Variants in CCDC88C observed in about 807,000 individuals in gnomAD.
CCDC88C encodes coiled-coil and HOOK domain protein 88C, also known as protein Daple.
In CCDC88C, 131 loss-of-function variants were observed where a neutral mutation model predicts 198.8. The ratio of observed to expected loss-of-function variants is 0.66; its 90% CI spans 0.57 to 0.76. The LOEUF is 0.76. Ranked by LOEUF, CCDC88C falls within the 30% of genes least tolerant of loss-of-function variation. CCDC88C has a pLI of 0.00. For synonymous variants in CCDC88C, 1,166 were observed against 1,114.7 expected, an observed-to-expected ratio of 1.05 and a Z score of -0.92; for missense variants, 2,553 against 2,631.6, an observed-to-expected ratio of 0.97 and a Z score of 0.65.
chr14:91,324,969 G>A (rs1270871949), intron 11 of CCDC88C, 46 bp from the exon 12 acceptor site: 3 of 1,609,450 alleles, frequency 1.9e-6, no homozygotes, highest in Admixed American at 1.7e-5. Flanking sequence ...CACAGCTGGA[G>A]ATCCCCCTGG....
At position 91,303,785 on chromosome 14, in the gene CCDC88C, T is replaced by G. The variant is rs1469274696; in HGVS notation, c.3551A>C (p.Glu1184Ala). The change falls in exon 20 of 30, where the codon GAG becomes GCG. Residue 1184 changes from glutamate (E) to alanine (A), a missense_variant. Transcript: ENST00000389857. ...GTGCTGGCGGATGAGGGCCTCGTAC[T>G]CGGCCGATTGCCGCTCGTGCAGCGT... Reference protein sequence around the residue: ...LGTLHERQSAEYEALIRQHSC... With the variant: ...LGTLHERQSAAYEALIRQHSC... 6.2e-7 allele frequency: 1 copy of G among 1,613,520 alleles called. No homozygotes were observed. Among genetic ancestry groups the G allele is most frequent in the South Asian group, 1.1e-5 (1 of 91,076 alleles).
rs748515185 is a variant in CCDC88C, at chr14:91,285,821, T to C, written c.4442-2304A>G. 6 of 1,288,612 alleles carry C rather than the reference T, an allele frequency of 4.7e-6. No homozygotes were observed. The Admixed American group carries it at 6.9e-5, about 15-fold the overall frequency. The allele number at this position is 1,288,612 out of a possible 1,614,324, so 79.8% of individuals were successfully genotyped here. A position where few individuals can be genotyped will look rare whatever the true frequency, so the allele number is the denominator to read the frequency against. The stretch of plus-strand genomic sequence containing the variant: ...GTTTTTGCTTTTCAAAAAGGGACTC[T>C]TTTTGCGCGGAGGTGCTAAATTGTT... On this transcript the variant is annotated intron_variant, in intron 25 of 29. Transcript: ENST00000389857.
At chr14:91,341,997 A>G in intron 6 of CCDC88C, 1 of 173,640 alleles carries the variant, frequency 5.8e-6, no homozygotes, top group Non-Finnish European at 1.2e-5. Flanking sequence ...TATTCTATAA[A>G]GATCAACTGT....
chr14:91,338,522 C>A lies in CCDC88C; in HGVS notation c.858G>T (p.Gln286His). Residue 286 changes from glutamine to histidine, a missense_variant, in exon 9 of 30, where the codon CAG becomes CAT. Physicochemically the swap from Gln to His is conservative, Grantham distance 24. Around this residue, in one of 2 missense-constraint regions of CCDC88C, gnomAD observed 1,260 missense variants for 1,412.0 expected, o/e 0.89. Coordinates refer to ENST00000389857, the MANE Select transcript of CCDC88C (RefSeq NM_001080414.4). This position sits in a 1 kb window ranked among gnomAD's most constrained non-coding sequence, Gnocchi z 4.8. ...TAACTTTCTGCAGTTCCAGCACCAG[C>A]TGGTCCACCTCATGTCTGGTGTCCA... ...QLVDTRHEVD[Q>H]LVLELQKVKQ... 6.4e-7 allele frequency: 1 copy of A among 1,571,994 alleles called. No individual in the cohort carries two copies. Among genetic ancestry groups the A allele is most frequent in the Non-Finnish European group, 8.6e-7 (1 of 1,158,956 alleles).
chr14:91,349,539 C>T (rs962919950), intron 4 of CCDC88C, among the ~76,000 whole-genome samples: 6 of 152,174 alleles, frequency 3.9e-5, no homozygotes, highest in African/African-American at 4.8e-5. Context: ...CCACTGCGGG[C>T]GGGGATCGAG....
chr14:91,286,386 T>G (rs957286087), intron 25 of CCDC88C, among the ~76,000 whole-genome samples: 5 of 152,162 alleles, frequency 3.3e-5, no homozygotes, highest in African/African-American at 1.2e-4. Context: ...TTAAAATAAT[T>G]TAAATACCTC....
chr14:91,327,619 C>T (rs1892633203), intron 10 of CCDC88C, among the ~76,000 whole-genome samples: 1 of 152,350 alleles, frequency 6.6e-6, no homozygotes, highest in East Asian at 1.9e-4. Flanking sequence ...CTCCTCACTG[C>T]CCTCGGCTCC....
chr14:91,401,533 C>A (rs1469569022), intron 3 of CCDC88C, among the ~76,000 whole-genome samples: 1 of 151,674 alleles, frequency 6.6e-6, no homozygotes, highest in Non-Finnish European at 1.5e-5. Context: ...GACAGGGTTT[C>A]ACCATGTTAG....
chr14:91,283,298 G>T, intron 26 of CCDC88C, 31 bp downstream of exon 26: 1 of 1,605,212 alleles, frequency 6.2e-7, no homozygotes, highest in Non-Finnish European at 8.5e-7. Flanking sequence ...TAGGCCCGAC[G>T]CTCATGGCTC....
chr14:91,393,231 C>A (rs968378837), intron 3 of CCDC88C, among the ~76,000 whole-genome samples: 1 of 152,172 alleles, frequency 6.6e-6, no homozygotes, highest in African/African-American at 2.4e-5. Context: ...AGTGTCAGGG[C>A]AGCCCTGGAG....
intron 3 of CCDC88C, among the ~76,000 whole-genome samples, chr14:91,387,336 TCCGGG>T (rs764820505): frequency 2.0e-5 from 3 of 152,158 alleles, no homozygotes; most frequent in Non-Finnish European, 2.9e-5. Context: ...AGTGCCAACG[TCCGGG>T]CCATGGAGGT....
chr14:91,391,859 G>A (rs1374861396), intron 3 of CCDC88C, among the ~76,000 whole-genome samples: 1 of 151,038 alleles, frequency 6.6e-6, no homozygotes, highest in Admixed American at 6.6e-5. Flanking sequence ...CCTTTTTCTT[G>A]TTTTTAAAAT....
At chr14:91,319,917 C>T (rs1417674035) in intron 13 of CCDC88C, among the ~76,000 whole-genome samples, 1 of 148,140 alleles carries the variant, frequency 6.8e-6, no homozygotes, top group South Asian at 2.2e-4. Context: ...CCCAGCTACT[C>T]GGGAGGCTGA....
chr14:91,298,547 T>C (rs906926175), intron 21 of CCDC88C, among the ~76,000 whole-genome samples: 1 of 151,696 alleles, frequency 6.6e-6, no homozygotes, highest in African/African-American at 2.4e-5. Flanking sequence ...AAAAAAAATT[T>C]AGTGGCCAGC....
At position 91,273,462 on chromosome 14, in the gene CCDC88C, G is replaced by C. The variant is rs1217841334; in HGVS notation, c.5250C>G (p.Tyr1750Ter). The C allele has an allele frequency of 1.3e-6, 2 of 1,586,520 alleles. No individual in the cohort carries two copies. Among genetic ancestry groups the C allele is most frequent in the African/African-American group, 1.4e-5 (1 of 73,594 alleles). Residue 1750 changes from tyrosine (Y) to a stop codon, truncating the protein, a stop_gained, in exon 30 of 30, where the codon TAC (tyrosine) becomes TAG (stop). Transcript: ENST00000389857. LOFTEE classifies it low-confidence loss of function (END_TRUNC). This position sits in a 1 kb window ranked among gnomAD's most constrained non-coding sequence, Gnocchi z 5.6. ...CAGTCAGTCTGAAGTTTGGCTTTAC[G>C]TACTGCCCGGGCTTCAGCGGCCTCC... ...SEGRPLKPGQYVKPNFRLTEA... is the reference protein window; with the variant it reads ...SEGRPLKPGQ
chr14:91,380,249 C>G (rs555315193), intron 3 of CCDC88C, among the ~76,000 whole-genome samples: 1 of 152,296 alleles, frequency 6.6e-6, no homozygotes, highest in African/African-American at 2.4e-5. Flanking sequence ...CTTGGGGCGG[C>G]TGGACATACT....
intron 3 of CCDC88C, among the ~76,000 whole-genome samples, chr14:91,364,661 C>T (rs1894448870): frequency 3.3e-5 from 5 of 152,152 alleles, no homozygotes; most frequent in Admixed American, 3.3e-4. Flanking sequence ...GCATTTGTCA[C>T]CCCGGCAGGA....
At chr14:91,343,970 A>G (rs1024187173) in intron 4 of CCDC88C, among the ~76,000 whole-genome samples, 5 of 151,960 alleles carry the variant, frequency 3.3e-5, no homozygotes, top group Non-Finnish European at 7.4e-5. Context: ...ACAGACACAT[A>G]CCACCATGCC....
intron 29 of CCDC88C, among the ~76,000 whole-genome samples, chr14:91,274,057 TC>T (rs1384029416): frequency 6.6e-6 from 1 of 150,816 alleles, no homozygotes; most frequent in Admixed American, 6.6e-5. Context: ...GGGCCTTCCT[TC>T]CCCGGTCACC....
Sources: allele counts gnomAD v4.1 joint callset (sites outside exome capture counted in the v4.1 genomes callset), GRCh38; gene constraint gnomAD v4.1.1; regional missense constraint gnomAD v4.1.1; non-coding constraint Gnocchi (gnomAD v3.1); transcripts MANE v1.5; gene names NCBI Gene and HGNC (gene_info 2026-07-23, HGNC 2026-07-21).